Variants in POFUT3 observed in about 807,000 individuals in gnomAD.
POFUT3 encodes the protein protein O-fucosyltransferase 3.
At chr8:33,328,736 C>G in the POFUT3 span, among the ~76,000 whole-genome samples, 1 of 152,124 alleles carries the variant, frequency 6.6e-6, no homozygotes, top group African/African-American at 2.4e-5. Context: ...AAACATGAAC[C>G]AATTGTCATG....
chr8:33,444,620 C>A, the POFUT3 span, among the ~76,000 whole-genome samples: 3 of 152,024 alleles, frequency 2.0e-5, no homozygotes, highest in Admixed American at 6.6e-5. Flanking sequence ...GAGTTTGAGA[C>A]CAGCCTGGCC....
At chr8:33,328,454 A>C in the POFUT3 span, among the ~76,000 whole-genome samples, 6 of 152,304 alleles carry the variant, frequency 3.9e-5, no homozygotes, top group South Asian at 1.2e-3. Context: ...AACAGGTGGA[A>C]AACAGAAGTC....
At chr8:33,465,339 A>G in the POFUT3 span, among the ~76,000 whole-genome samples, 1 of 151,786 alleles carries the variant, frequency 6.6e-6, no homozygotes, top group African/African-American at 2.4e-5. Flanking sequence ...TATTATTCCC[A>G]GTTCCCAAGG....
At chr8:33,417,196 A>G in the POFUT3 span, among the ~76,000 whole-genome samples, 4 of 152,228 alleles carry the variant, frequency 2.6e-5, no homozygotes, top group South Asian at 8.3e-4. Flanking sequence ...GCTCCTTATG[A>G]GAACCTGACG....
At chr8:33,312,185 C>T in the POFUT3 span, among the ~76,000 whole-genome samples, 3 of 151,706 alleles carry the variant, frequency 2.0e-5, no homozygotes, top group Non-Finnish European at 4.4e-5. Context: ...TTGTTTGAAC[C>T]CAGGAGGCAG....
chr8:33,372,464 T>C, the POFUT3 span: 1 of 1,456,704 alleles, frequency 6.9e-7, no homozygotes, highest in Non-Finnish European at 9.0e-7. Context: ...CAGCAACTAA[T>C]TATTATCCTG....
At chr8:33,325,416 G>A in the POFUT3 span, among the ~76,000 whole-genome samples, 2 of 152,130 alleles carry the variant, frequency 1.3e-5, no homozygotes, top group African/African-American at 4.8e-5. Context: ...GAAGTTAACT[G>A]AGCCTGTGTC....
At chr8:33,380,232 A>ATATATATATACTATATATATATATAC in the POFUT3 span, among the ~76,000 whole-genome samples, 7 of 82,994 alleles carry the variant, frequency 8.4e-5, no homozygotes, top group African/African-American at 5.6e-4. Flanking sequence ...TATATATACT[A>ATATATATATACTATATATATATATAC]TATATATATA....
the POFUT3 span, among the ~76,000 whole-genome samples, chr8:33,424,594 T>C: frequency 6.6e-6 from 1 of 152,208 alleles, no homozygotes; most frequent in Admixed American, 6.5e-5. Context: ...GGCCACGGAC[T>C]GTGTACCACT....
At chr8:33,454,266 C>G in the POFUT3 span, among the ~76,000 whole-genome samples, 2 of 152,168 alleles carry the variant, frequency 1.3e-5, no homozygotes, top group Admixed American at 6.5e-5. Flanking sequence ...AGGAGAGAAG[C>G]CTCTTTCTTG....
the POFUT3 span, among the ~76,000 whole-genome samples, chr8:33,332,429 G>A: frequency 6.7e-6 from 1 of 148,876 alleles, no homozygotes; most frequent in African/African-American, 2.5e-5. Flanking sequence ...AGGTTGCAGT[G>A]AGTCAAGATC....
At chr8:33,367,574 C>T in the POFUT3 span, among the ~76,000 whole-genome samples, 1 of 152,274 alleles carries the variant, frequency 6.6e-6, no homozygotes, top group Admixed American at 6.5e-5. Context: ...TTTAATTCCT[C>T]TAGTGCTGCT....
At chr8:33,455,070 TATTACA>T in the POFUT3 span, among the ~76,000 whole-genome samples, 3 of 152,222 alleles carry the variant, frequency 2.0e-5, no homozygotes, top group African/African-American at 7.2e-5. Context: ...GTTTCTTTTT[TATTACA>T]ATTAAAGTAG....
At chr8:33,440,915 C>T in the POFUT3 span, among the ~76,000 whole-genome samples, 1 of 152,096 alleles carries the variant, frequency 6.6e-6, no homozygotes, top group Non-Finnish European at 1.5e-5. Context: ...CAACAGTGGG[C>T]AAGTGACTCT....
chr8:33,331,184 T>C, the POFUT3 span, among the ~76,000 whole-genome samples: 6 of 142,378 alleles, frequency 4.2e-5, no homozygotes, highest in African/African-American at 1.6e-4. Flanking sequence ...CTAATAAAAA[T>C]ACAAAAAATT....
chr8:33,442,247 G>A, the POFUT3 span, among the ~76,000 whole-genome samples: 1 of 150,530 alleles, frequency 6.6e-6, no homozygotes, highest in Non-Finnish European at 1.5e-5. Context: ...TTGCAGGCAT[G>A]AGCCACCACG....
the POFUT3 span, among the ~76,000 whole-genome samples, chr8:33,320,700 A>C: frequency 4.6e-5 from 7 of 152,060 alleles, no homozygotes; most frequent in Admixed American, 4.6e-4. Flanking sequence ...TCAATTAAAG[A>C]CTGGAAGCTG....
At chr8:33,401,276 G>C in the POFUT3 span, among the ~76,000 whole-genome samples, 1 of 152,082 alleles carries the variant, frequency 6.6e-6, no homozygotes, top group Non-Finnish European at 1.5e-5. Context: ...ATGAGCCACT[G>C]TGCCTGGCCT....
chr8:33,368,610 C>A, the POFUT3 span, among the ~76,000 whole-genome samples: 13 of 152,262 alleles, frequency 8.5e-5, no homozygotes, highest in East Asian at 2.5e-3. Context: ...ACCTACAGAT[C>A]TAGGCATTTT....
Sources: allele counts gnomAD v4.1 joint callset (sites outside exome capture counted in the v4.1 genomes callset), GRCh38; gene constraint gnomAD v4.1.1; transcripts MANE v1.5; gene names NCBI Gene and HGNC (gene_info 2026-07-23, HGNC 2026-07-21).